SLC26A7: variants seen among roughly 807,000 people sequenced by gnomAD.
The protein encoded by SLC26A7 is solute carrier family 26 member 7.
SLC26A7 carries 59 observed loss-of-function variants against 82.5 expected under a neutral mutation model. The ratio of observed to expected loss-of-function variants is 0.72; its 90% CI spans 0.58 to 0.89. The LOEUF (loss-of-function observed/expected upper bound fraction) is 0.89. Among genes scored for constraint, SLC26A7 ranks in the 40% least tolerant of loss-of-function variants. SLC26A7 has a pLI of 0.00. For synonymous variants in SLC26A7, 271 were observed against 274.3 expected (o/e 0.99, Z 0.12); for missense variants, 820 against 793.0 (o/e 1.03, Z -0.41).
intron 15 of SLC26A7, among the ~76,000 whole-genome samples, chr8:91,385,835 T>C (rs1814785135): frequency 6.6e-6 from 1 of 152,146 alleles, no homozygotes; most frequent in African/African-American, 2.4e-5. Context: ...AGAAGTGAAA[T>C]ATGGTAGGAT....
At chr8:91,356,447 T>C (rs578160836) in intron 11 of SLC26A7, among the ~76,000 whole-genome samples, 3 of 152,296 alleles carry the variant, frequency 2.0e-5, no homozygotes, top group African/African-American at 4.8e-5. Flanking sequence ...GGTATCTCAT[T>C]GTGGTTTTGA....
chr8:91,239,395 A>AATATATATATAT (rs1554600120), intron 2 of SLC26A7, among the ~76,000 whole-genome samples: 5 of 94,856 alleles, frequency 5.3e-5, no homozygotes, highest in African/African-American at 1.8e-4. Flanking sequence ...AAAAAAAAAA[A>AATATATATATAT]ATATATATAT....
At chr8:91,253,864 G>A (rs1810728692) in intron 2 of SLC26A7, among the ~76,000 whole-genome samples, 2 of 152,026 alleles carry the variant, frequency 1.3e-5, no homozygotes, top group Admixed American at 6.6e-5. Context: ...GAATTGCTTG[G>A]CACATAAATG....
At chr8:91,315,492 C>T (rs1370679615) in intron 4 of SLC26A7, among the ~76,000 whole-genome samples, 3 of 151,866 alleles carry the variant, frequency 2.0e-5, no homozygotes, top group African/African-American at 7.3e-5. Context: ...CACTTGTGCC[C>T]ACACAATTGA....
chr8:91,391,702 G>A (rs1814974334), intron 16 of SLC26A7, among the ~76,000 whole-genome samples: 2 of 152,106 alleles, frequency 1.3e-5, no homozygotes, highest in African/African-American at 4.8e-5. Context: ...TGAAAATGCA[G>A]TCTTCTGGGT....
chr8:91,235,001 C>A (rs1176365382), intron 2 of SLC26A7, among the ~76,000 whole-genome samples: 1 of 152,070 alleles, frequency 6.6e-6, no homozygotes, highest in African/African-American at 2.4e-5. Context: ...CTCACTGCAA[C>A]CTCTACCTCC....
chr8:91,345,880 A>G (rs1813548462), intron 9 of SLC26A7, among the ~76,000 whole-genome samples: 1 of 152,190 alleles, frequency 6.6e-6, no homozygotes, highest in African/African-American at 2.4e-5. Context: ...CTGAAAGATA[A>G]TAATTTGAGA....
At chr8:91,368,425 GTT>G (rs1269729279) in intron 14 of SLC26A7, among the ~76,000 whole-genome samples, 10 of 90,620 alleles carry the variant, frequency 1.1e-4, no homozygotes, top group African/African-American at 3.9e-4. Context: ...TTTTTTTTTT[GTT>G]TTTTTTTTTG....
intron 18 of SLC26A7, 33 bp downstream of exon 18, chr8:91,394,072 A>G: frequency 6.3e-7 from 1 of 1,598,738 alleles, no homozygotes; most frequent in Non-Finnish European, 8.6e-7. Flanking sequence ...AAGGAGTTAT[A>G]AGAATATTCA....
intron 2 of SLC26A7, 21 bp from the exon 3 acceptor site, chr8:91,289,115 T>C: frequency 1.9e-6 from 3 of 1,566,844 alleles, no homozygotes; most frequent in Non-Finnish European, 2.6e-6. Context: ...GTGGTTTTAA[T>C]TACCCTAGTC....
intron 2 of SLC26A7, among the ~76,000 whole-genome samples, chr8:91,224,723 G>T (rs192155197): frequency 8.0e-6 from 1 of 125,406 alleles, no homozygotes; most frequent in East Asian, 2.5e-4. Flanking sequence ...GGTGGAGAGG[G>T]TGTGTTGTGC....
intron 8 of SLC26A7, 32 bp downstream of exon 8, chr8:91,340,583 A>C (rs1239101759): frequency 6.2e-7 from 1 of 1,612,978 alleles, no homozygotes. Flanking sequence ...TCTCCACTCC[A>C]GTTGTATCAT....
intron 11 of SLC26A7, among the ~76,000 whole-genome samples, chr8:91,356,288 T>C (rs1383578186): frequency 5.9e-5 from 9 of 152,308 alleles, no homozygotes; most frequent in African/African-American, 1.7e-4. Context: ...GTTCTAGATC[T>C]CTGAGGAATC....
intron 2 of SLC26A7, among the ~76,000 whole-genome samples, chr8:91,241,167 TG>T (rs1810468904): frequency 6.6e-6 from 1 of 152,186 alleles, no homozygotes; most frequent in Non-Finnish European, 1.5e-5. Context: ...AAGTGAACTA[TG>T]GTACATTTTT....
intron 13 of SLC26A7, among the ~76,000 whole-genome samples, chr8:91,365,505 A>G (rs1814168233): frequency 6.6e-6 from 1 of 152,144 alleles, no homozygotes; most frequent in African/African-American, 2.4e-5. Flanking sequence ...CTAAGAGTTC[A>G]TTGTTATTTT....
rs1273458590 is a variant in SLC26A7 at position 91,338,135 on chromosome 8, A to G, written c.796-15A>G. 1.3e-6 allele frequency: 2 copies of G among 1,583,844 alleles called. No homozygotes were observed. Among genetic ancestry groups the G allele is most frequent in the East Asian group, 2.3e-5 (1 of 44,000 alleles). ...AATGTATATATTTTTTCTTTTTTCA[A>G]ATGGAACCACACAGATTATTGCTGC... On this transcript the variant is annotated splice_polypyrimidine_tract_variant and intron_variant, in intron 6 of 18. Transcript: ENST00000276609.
chr8:91,288,512 TTGAG>T (rs1342943077), intron 2 of SLC26A7, among the ~76,000 whole-genome samples: 1 of 152,206 alleles, frequency 6.6e-6, no homozygotes, highest in Non-Finnish European at 1.5e-5. Flanking sequence ...TTCTTACTCC[TTGAG>T]TAAGAAAAGT....
At position 91,351,836 on chromosome 8, in the gene SLC26A7, C is replaced by T. The variant is rs781639714; in HGVS notation, c.1167C>T (p.Phe389=). 4.0e-5 allele frequency: 65 copies of T among 1,611,970 alleles called. No homozygotes were observed. Among genetic ancestry groups the T allele is most frequent in the Non-Finnish European group, 4.4e-5 (52 of 1,178,686 alleles). The change falls in exon 10 of 19, where the codon TTC becomes TTT. Residue 389 remains phenylalanine (F), a synonymous_variant. Coordinates refer to ENST00000276609, the MANE Select transcript of SLC26A7 (RefSeq NM_052832.4). ...TQVACLISCI[F]VLIVIYAIGP... ...TGGCTTGTCTAATATCTTGCATTTT[C>T]GTCCTTATAGTCATCTATGCAATAG...
chr8:91,375,556 C>T (rs1814488033), intron 15 of SLC26A7, among the ~76,000 whole-genome samples: 1 of 152,004 alleles, frequency 6.6e-6, no homozygotes, highest in East Asian at 1.9e-4. Flanking sequence ...AACAGACCCC[C>T]AAACTCTTCT....
Sources: allele counts gnomAD v4.1 joint callset (sites outside exome capture counted in the v4.1 genomes callset), GRCh38; gene constraint gnomAD v4.1.1; transcripts MANE v1.5; gene names NCBI Gene and HGNC (gene_info 2026-07-23, HGNC 2026-07-21).